LARGE1: variants seen among roughly 807,000 people sequenced by gnomAD.
The protein encoded by LARGE1 is LARGE xylosyl- and glucuronyltransferase 1, also known as xylosyl- and glucuronyltransferase LARGE1.
A neutral mutation model predicts 87.6 loss-of-function variants in LARGE1; 43 were observed. The observed-to-expected ratio is 0.49, with a 90% CI of 0.38 to 0.63. LARGE1 has a LOEUF of 0.63. Among genes scored for constraint, LARGE1 ranks in the 30% least tolerant of loss-of-function variants. The pLI, the probability that LARGE1 is intolerant of heterozygous loss-of-function variation, is 0.00. For missense variants in LARGE1, 802 were observed against 1,000.2 expected, an observed-to-expected ratio of 0.80 and a Z score of 2.67; for synonymous variants, 434 against 394.6, an observed-to-expected ratio of 1.10 and a Z score of -1.18.
rs148138746 is a variant in LARGE1 at position 33,381,021 on chromosome 22, G to T, written c.1131+898C>A. Among the ~76,000 whole-genome samples the T allele has an allele frequency of 7.9e-5, 12 of 152,294 alleles. No homozygotes were observed. In the East Asian group the frequency reaches 1.5e-3, roughly 20 times the overall value. ...CATACAGTTACTTTGGCCAATGAGGGATATTAGCAACAATGACTCAAGGTT... is the reference window on the plus strand; with the variant it reads ...CATACAGTTACTTTGGCCAATGAGGTATATTAGCAACAATGACTCAAGGTT... On this transcript the variant is annotated intron_variant, in intron 9 of 14. Transcript: ENST00000397394.
At position 33,303,827 on chromosome 22, in the gene LARGE1, G is replaced by A. The variant is rs1308640834; in HGVS notation, c.1730+402C>T. Among the ~76,000 whole-genome samples, 2 of 151,362 alleles carry A rather than the reference G, an allele frequency of 1.3e-5. 1 individual carries two copies. Among genetic ancestry groups the A allele is most frequent in the African/African-American group, 4.9e-5 (2 of 40,834 alleles). On this transcript the variant is annotated intron_variant, in intron 12 of 14. Coordinates refer to ENST00000397394, the MANE Select transcript of LARGE1 (RefSeq NM_133642.5). ...TTTAGTAGGGGGGGGGTTTCACCAT[G>A]TTGGCCAGGATGGTCTCGAACTCCT...
chr22:33,839,792 C>T lies in LARGE1; in HGVS notation c.-82-78234G>A, dbSNP rs540147043. Among the ~76,000 whole-genome samples the T allele has an allele frequency of 2.0e-5, 3 of 152,336 alleles. No individual in the cohort carries two copies. In the East Asian group the frequency reaches 5.8e-4, roughly 29 times the overall value. On this transcript the variant is annotated intron_variant, in intron 1 of 14. Transcript: ENST00000397394. ...AAATAAGAAAAGCGATTATTAACTA[C>T]CTACCAGGTATGAGGCACTTTGACT...
intron 9 of LARGE1, among the ~76,000 whole-genome samples, chr22:33,341,800 G>A (rs567685092): frequency 1.4e-4 from 21 of 152,282 alleles, no homozygotes; most frequent in African/African-American, 5.1e-4. Flanking sequence ...GCAAGGTGGG[G>A]ATCAGCAAGT....
intron 5 of LARGE1, among the ~76,000 whole-genome samples, chr22:33,574,499 G>A (rs1232677589): frequency 2.0e-5 from 3 of 151,360 alleles, no homozygotes; most frequent in East Asian, 1.9e-4. Flanking sequence ...TTTGAGATAC[G>A]TATAGCAGTG....
chr22:33,228,210 A>G (rs1925828758), intron 11 of LARGE1, among the ~76,000 whole-genome samples: 1 of 152,286 alleles, frequency 6.6e-6, no homozygotes, highest in East Asian at 1.9e-4. Context: ...CCTGGCACAT[A>G]GGTAAGAGCT....
chr22:33,813,206 T>C (rs994647943), intron 1 of LARGE1, among the ~76,000 whole-genome samples: 4 of 147,124 alleles, frequency 2.7e-5, no homozygotes, highest in Non-Finnish European at 5.9e-5. Context: ...AGATACAAGA[T>C]CGTGCCATCA....
chr22:33,260,277 G>A (rs980534557), intron 11 of LARGE1, among the ~76,000 whole-genome samples: 3 of 152,132 alleles, frequency 2.0e-5, no homozygotes, highest in South Asian at 2.1e-4. Flanking sequence ...GGAACGGTGC[G>A]TAACAAACTG....
intron 3 of LARGE1, among the ~76,000 whole-genome samples, chr22:33,650,130 T>C (rs2080747848): frequency 6.6e-6 from 1 of 152,148 alleles, no homozygotes; most frequent in African/African-American, 2.4e-5. Flanking sequence ...CCTCTTAATA[T>C]CTGTAGATTA....
intron 11 of LARGE1, among the ~76,000 whole-genome samples, chr22:33,306,992 C>G (rs889216968): frequency 1.3e-5 from 2 of 152,140 alleles, no homozygotes; most frequent in African/African-American, 4.8e-5. Flanking sequence ...ACAAGCGAGA[C>G]AGAATGGTGA....
At chr22:33,556,600 TAGGG>T in intron 6 of LARGE1, among the ~76,000 whole-genome samples, 1 of 37,278 alleles carries the variant, frequency 2.7e-5, no homozygotes, top group Non-Finnish European at 6.9e-5. Flanking sequence ...GGCAGGCAGG[TAGGG>T]AGGCAGGGAA....
chr22:33,550,238 C>A (rs946201199), intron 6 of LARGE1, among the ~76,000 whole-genome samples: 51 of 151,552 alleles, frequency 3.4e-4, no homozygotes, highest in African/African-American at 1.2e-3. Context: ...GATTTCATTT[C>A]TTGGGCCAGT....
chr22:33,674,689 A>ACTCC (rs1414540856), intron 2 of LARGE1, among the ~76,000 whole-genome samples: 1 of 151,752 alleles, frequency 6.6e-6, no homozygotes, highest in African/African-American at 2.4e-5. Context: ...CTGTCTACAC[A>ACTCC]CTCCCATTGG....
rs1052234656 is a variant in LARGE1 at position 33,664,694 on chromosome 22, G to A, written c.107-14026C>T. ...ATCCTGGCCAACATGGTGAAACCCCGTCTCTACTAAAATACAGAAATTAGC... is the reference window on the plus strand; with the variant it reads ...ATCCTGGCCAACATGGTGAAACCCCATCTCTACTAAAATACAGAAATTAGC... On this transcript the variant is annotated intron_variant, in intron 2 of 14. Coordinates refer to ENST00000397394, the MANE Select transcript of LARGE1 (RefSeq NM_133642.5). Among the ~76,000 whole-genome samples, 6 of 152,072 alleles carry A rather than the reference G, an allele frequency of 3.9e-5. No individual in the cohort carries two copies. In the South Asian group the frequency reaches 6.2e-4, roughly 16 times the overall value.
intron 11 of LARGE1, among the ~76,000 whole-genome samples, chr22:33,305,085 A>G (rs117310323): frequency 0.058 from 8,906 of 152,282 alleles, 342 homozygotes; most frequent in South Asian, 0.17. Context: ...GACGTGCCGT[A>G]TGTTCAATCA....
the LARGE1 span, chr22:33,137,044 G>T: frequency 6.6e-6 from 1 of 152,172 alleles, no homozygotes; most frequent in African/African-American, 2.4e-5. Flanking sequence ...CTTCTCGTTG[G>T]TTGTTTCTCA....
intron 1 of LARGE1, among the ~76,000 whole-genome samples, chr22:33,792,162 A>G (rs1277515770): frequency 6.6e-6 from 1 of 152,204 alleles, no homozygotes; most frequent in Non-Finnish European, 1.5e-5. Flanking sequence ...AGGAGGTGAT[A>G]TGCTTTGGCT....
At chr22:33,089,795 C>T in the LARGE1 span, among the ~76,000 whole-genome samples, 1 of 152,102 alleles carries the variant, frequency 6.6e-6, no homozygotes, top group Non-Finnish European at 1.5e-5. Flanking sequence ...CCATGCCTGA[C>T]CTTTTTCTGC....
intron 9 of LARGE1, among the ~76,000 whole-genome samples, chr22:33,339,173 AG>A (rs1230818154): frequency 2.7e-5 from 4 of 147,620 alleles, no homozygotes; most frequent in African/African-American, 7.7e-5. Context: ...AAAAAAAAAA[AG>A]AAGAAGAAGA....
the LARGE1 span, among the ~76,000 whole-genome samples, chr22:33,112,418 G>A: frequency 1.3e-5 from 2 of 152,214 alleles, no homozygotes; most frequent in Admixed American, 6.5e-5. Flanking sequence ...CATATACAGC[G>A]CATAGCACAG....
Sources: allele counts gnomAD v4.1 joint callset (sites outside exome capture counted in the v4.1 genomes callset), GRCh38; gene constraint gnomAD v4.1.1; transcripts MANE v1.5; gene names NCBI Gene and HGNC (gene_info 2026-07-23, HGNC 2026-07-21).